The following EPHA6 variants were observed in gnomAD, a reference collection of about 807,000 sequenced individuals.
EPHA6 encodes the protein ephrin type-A receptor 6.
A neutral mutation model predicts 112.0 loss-of-function variants in EPHA6; 50 were observed. That is an observed-to-expected ratio of 0.45 (90% CI 0.36 to 0.56). The LOEUF (loss-of-function observed/expected upper bound fraction) is 0.56, where lower values mean the gene tolerates loss of function less well. Ranked by LOEUF, EPHA6 falls within the 20% of genes least tolerant of loss-of-function variation. The pLI is 0.00. For missense variants in EPHA6, 1,280 were observed against 1,417.4 expected (o/e 0.90, Z 1.56); for synonymous variants, 529 against 490.7 (o/e 1.08, Z -1.03).
intron 5 of EPHA6, among the ~76,000 whole-genome samples, chr3:97,325,636 T>A (rs899932462): frequency 6.6e-6 from 1 of 152,126 alleles, no homozygotes; most frequent in Non-Finnish European, 1.5e-5. Context: ...TCAGTGAGCC[T>A]GGAGGTAGTG....
chr3:97,091,579 A>T (rs1470128460), intron 3 of EPHA6, among the ~76,000 whole-genome samples: 1 of 152,134 alleles, frequency 6.6e-6, no homozygotes, highest in African/African-American at 2.4e-5. Context: ...TCATTTAATA[A>T]CTTTGTGACC....
At chr3:97,338,988 A>C (rs994970683) in intron 5 of EPHA6, among the ~76,000 whole-genome samples, 2 of 152,180 alleles carry the variant, frequency 1.3e-5, no homozygotes, top group Non-Finnish European at 2.9e-5. Flanking sequence ...GCTCATTCCA[A>C]GTAGTTGGAA....
intron 3 of EPHA6, among the ~76,000 whole-genome samples, chr3:97,050,586 T>C (rs1311142920): frequency 6.6e-6 from 1 of 152,178 alleles, no homozygotes; most frequent in African/African-American, 2.4e-5. Context: ...CTATCAGAAA[T>C]AATTTTAAAT....
intron 11 of EPHA6, among the ~76,000 whole-genome samples, chr3:97,585,811 A>G (rs2093482457): frequency 6.6e-6 from 1 of 151,194 alleles, no homozygotes; most frequent in Non-Finnish European, 1.5e-5. Context: ...TCAGTCCCTG[A>G]AAATAATATT....
intron 6 of EPHA6, among the ~76,000 whole-genome samples, chr3:97,429,647 C>T (rs566780639): frequency 6.6e-6 from 1 of 151,698 alleles, no homozygotes; most frequent in South Asian, 2.1e-4. Flanking sequence ...TATTCAGAGT[C>T]CTTAGTTTTA....
chr3:97,100,422 G>A (rs1373790906), intron 3 of EPHA6, among the ~76,000 whole-genome samples: 1 of 151,556 alleles, frequency 6.6e-6, no homozygotes, highest in Non-Finnish European at 1.5e-5. Flanking sequence ...GTGTTTCTCA[G>A]GTGCAACCAT....
chr3:97,205,088 G>A (rs965997968), intron 3 of EPHA6, among the ~76,000 whole-genome samples: 1 of 152,086 alleles, frequency 6.6e-6, no homozygotes, highest in South Asian at 2.1e-4. Context: ...TTTCACAAAA[G>A]CACTCATTCC....
intron 5 of EPHA6, among the ~76,000 whole-genome samples, chr3:97,403,879 C>T (rs903441249): frequency 6.6e-6 from 1 of 152,160 alleles, no homozygotes; most frequent in Non-Finnish European, 1.5e-5. Flanking sequence ...CTAAGGGCAA[C>T]CATTATAATT....
Position 97,754,074 on chromosome 3 carries a change from A to T in EPHA6, c.*5373A>T, listed in dbSNP as rs1272897485. ...GTTTGTATAAAATGTATAAAAAATA[A>T]CATTTATATCTTTTTTTTTTTTTTT... On this transcript the variant is annotated 3_prime_UTR_variant, in exon 18 of 18. Transcript: ENST00000389672. Among the ~76,000 whole-genome samples the T allele has an allele frequency of 6.6e-6, 1 of 150,488 alleles. No individual in the cohort carries two copies. Among genetic ancestry groups the T allele is most frequent in the South Asian group, 2.1e-4 (1 of 4,768 alleles).
At chr3:97,535,067 C>T (rs559748927) in intron 11 of EPHA6, among the ~76,000 whole-genome samples, 69 of 151,550 alleles carry the variant, frequency 4.6e-4, no homozygotes, top group Non-Finnish European at 6.2e-4. Context: ...CACACACACA[C>T]GAAAAGGAAA....
chr3:97,272,658 T>G (rs1308800449), intron 5 of EPHA6, among the ~76,000 whole-genome samples: 10 of 139,164 alleles, frequency 7.2e-5, no homozygotes, highest in African/African-American at 1.6e-4. Context: ...CAGGCAGGGG[T>G]GGGGGTCACA....
At chr3:97,415,875 T>C (rs1052035009) in intron 6 of EPHA6, among the ~76,000 whole-genome samples, 3 of 152,104 alleles carry the variant, frequency 2.0e-5, no homozygotes, top group African/African-American at 7.2e-5. Flanking sequence ...TGTTTGTTGA[T>C]TTAGTCAATC....
At chr3:97,672,981 C>G (rs964705058) in intron 14 of EPHA6, among the ~76,000 whole-genome samples, 4 of 152,090 alleles carry the variant, frequency 2.6e-5, no homozygotes, top group Admixed American at 1.3e-4. Context: ...GTAAAATTTC[C>G]CCATACCTCA....
At position 97,758,694 on chromosome 3, in the gene EPHA6, A is replaced by G. The variant is rs781174284; in HGVS notation, c.*9993A>G. Among the ~76,000 whole-genome samples the G allele has an allele frequency of 6.6e-6, 1 of 151,944 alleles. No homozygotes were observed. The highest frequency in any genetic ancestry group is 1.5e-5 in the Non-Finnish European group (1 of 67,880). ...GTGGCTCCTTTAAGCGGTAGAGGAA[A>G]TCTTCCCCCAAGGACATGCCATTTA... On this transcript the variant is annotated 3_prime_UTR_variant, in exon 18 of 18. Transcript: ENST00000389672.
chr3:97,508,151 GTCTCTATCTCCT>G (rs2092293483), intron 10 of EPHA6, among the ~76,000 whole-genome samples: 1 of 151,718 alleles, frequency 6.6e-6, no homozygotes, highest in Admixed American at 6.6e-5. Context: ...TATTTTTTGT[GTCTCTATCTCCT>G]TCACTTCTGC....
chr3:97,370,633 ATATAT>A (rs1242046460), intron 5 of EPHA6, among the ~76,000 whole-genome samples: 1 of 152,146 alleles, frequency 6.6e-6, no homozygotes, highest in African/African-American at 2.4e-5. Flanking sequence ...AGTGGCTATA[ATATAT>A]TTAAGGTTTT....
intron 3 of EPHA6, among the ~76,000 whole-genome samples, chr3:97,090,409 G>C (rs1055472003): frequency 4.0e-5 from 6 of 151,808 alleles, no homozygotes; most frequent in Admixed American, 3.3e-4. Flanking sequence ...TCTCCTGCGG[G>C]CATTGCAGTA....
At position 97,205,698 on chromosome 3, in the gene EPHA6, G is replaced by A. The variant is rs185718112; in HGVS notation, c.1115-20566G>A. 3.4e-3 allele frequency among the ~76,000 whole-genome samples: 520 copies of A among 152,130 alleles called. 3 individuals are homozygous for A. The highest frequency in any genetic ancestry group is 0.012 in the African/African-American group (496 of 41,508). ...ACTGAGGGAGGACTATACATGACTGGAATATTTGGTCAGCCATTACAGCTA... is the reference window on the plus strand; with the variant it reads ...ACTGAGGGAGGACTATACATGACTGAAATATTTGGTCAGCCATTACAGCTA... On this transcript the variant is annotated intron_variant, in intron 3 of 17. Coordinates refer to ENST00000389672, the MANE Select transcript of EPHA6 (RefSeq NM_001080448.3).
chr3:96,843,104 A>C (rs931951737), intron 1 of EPHA6, among the ~76,000 whole-genome samples: 20 of 152,246 alleles, frequency 1.3e-4, no homozygotes, highest in African/African-American at 4.8e-4. Context: ...CTGCAAGTTG[A>C]AAACGTCATC....
Sources: gnomAD v4.1 joint callset for allele counts (sites outside exome capture counted in the v4.1 genomes callset) on GRCh38, gnomAD v4.1.1 for gene constraint, MANE v1.5 for transcripts, NCBI Gene and HGNC (gene_info 2026-07-23, HGNC 2026-07-21) for gene names.